The following EIF4E variants were observed in gnomAD, a reference collection of about 807,000 sequenced individuals.
EIF4E encodes eIF-4F 25 kDa subunit.
For synonymous variants in EIF4E, 71 were observed against 88.5 expected (o/e 0.80, Z 1.11); for missense variants, 113 against 265.6 (o/e 0.43, Z 3.99).
intron 1 of EIF4E, among the ~76,000 whole-genome samples, chr4:98,928,235 C>A (rs1399770660): frequency 1.3e-5 from 2 of 151,880 alleles, no homozygotes; most frequent in Non-Finnish European, 2.9e-5. Flanking sequence ...GCAGGTCCGG[C>A]CGGCAAGCCG....
intron 1 of EIF4E, among the ~76,000 whole-genome samples, chr4:98,906,901 G>T (rs1318525609): frequency 6.6e-6 from 1 of 152,022 alleles, no homozygotes; most frequent in African/African-American, 2.4e-5. Context: ...TCTTAAAATG[G>T]GCATTGTGAC....
intron 1 of EIF4E, among the ~76,000 whole-genome samples, chr4:98,914,387 A>G (rs1725284350): frequency 7.0e-6 from 1 of 142,384 alleles, no homozygotes; most frequent in East Asian, 2.1e-4. Flanking sequence ...AAAAAAAAAA[A>G]AGCACTTTTT....
In EIF4E at chr4:98,896,169, C is replaced by T. The variant is rs554188424; in HGVS notation, c.126-4837G>A. ...CGAGATCGCACCACTGCACTCCAGC[C>T]TGGTGACAGAGCGAGGCTCCATCTC... On this transcript the variant is annotated intron_variant, in intron 2 of 6. Transcript: ENST00000450253. Among the ~76,000 whole-genome samples, 111 of 138,870 alleles carry T rather than the reference C, an allele frequency of 8.0e-4. 2 individuals carry two copies. The highest frequency in any genetic ancestry group is 3.7e-3 in the African/African-American group (107 of 29,132). The allele number at this position is 138,870 out of a possible 152,430, so 91.1% of individuals were successfully genotyped here.
chr4:98,925,072 A>G (rs959146593), intron 1 of EIF4E, among the ~76,000 whole-genome samples: 3 of 152,174 alleles, frequency 2.0e-5, no homozygotes, highest in Non-Finnish European at 1.5e-5. Flanking sequence ...AGTACAACAA[A>G]TATTTGTCAA....
chr4:98,912,981 C>T (rs769388353), intron 1 of EIF4E, among the ~76,000 whole-genome samples: 8 of 151,996 alleles, frequency 5.3e-5, no homozygotes, highest in Non-Finnish European at 1.0e-4. Flanking sequence ...CCGAGGCAGG[C>T]GGATCACCTG....
At chr4:98,898,573 G>GAA (rs756555846) in intron 2 of EIF4E, among the ~76,000 whole-genome samples, 4 of 131,360 alleles carry the variant, frequency 3.0e-5, no homozygotes, top group African/African-American at 5.6e-5. Context: ...GCGAGACTCC[G>GAA]AAAAAAAAAA....
At chr4:98,924,284 G>C (rs769289021) in intron 1 of EIF4E, among the ~76,000 whole-genome samples, 16 of 152,070 alleles carry the variant, frequency 1.1e-4, no homozygotes, top group Non-Finnish European at 1.5e-4. Context: ...TCACCATGTT[G>C]ATCAGGCTGG....
chr4:98,889,187 T>G lies in EIF4E; in HGVS notation c.222-1235A>C, dbSNP rs1197601243. On this transcript the variant is annotated intron_variant, in intron 3 of 6. Coordinates refer to ENST00000450253, the MANE Select transcript of EIF4E (RefSeq NM_001968.5). ...AAAAAAAAAAGATTTAAGAAAGAAG[T>G]TGGCATCTTTAAATCAAATTCCATA... is the stretch of plus-strand genomic sequence containing the variant. Among the ~76,000 whole-genome samples, 3 of 151,148 alleles carry G rather than the reference T, an allele frequency of 2.0e-5. No homozygotes were observed. The East Asian group carries it at 5.8e-4, about 29-fold the overall frequency.
In EIF4E at chr4:98,906,883, T is replaced by C. The variant is rs186438096; in HGVS notation, c.19-4901A>G. Among the ~76,000 whole-genome samples, 246 of 152,314 alleles carry C rather than the reference T, an allele frequency of 1.6e-3. 1 individual carries two copies. The highest frequency in any genetic ancestry group is 3.1e-3 in the Admixed American group (48 of 15,306). ...GAGCAAGTAACTTCCGTGGCCTCAG[T>C]TTCCTCATCTTAAAATGGGCATTGT... is the stretch of plus-strand genomic sequence containing the variant. On this transcript the variant is annotated intron_variant, in intron 1 of 6. Transcript: ENST00000450253.
chr4:98,903,869 C>T (rs1724751815), intron 1 of EIF4E, among the ~76,000 whole-genome samples: 1 of 152,088 alleles, frequency 6.6e-6, no homozygotes, highest in Admixed American at 6.5e-5. Flanking sequence ...TTTAAGTGTT[C>T]AAACAGATAA....
chr4:98,929,018 G>A (rs1486034528), intron 1 of EIF4E, 77 bp downstream of exon 1: 2 of 1,563,686 alleles, frequency 1.3e-6, no homozygotes, highest in South Asian at 1.2e-5. Context: ...CGGGAACGCC[G>A]TCCCGCGGAG....
At chr4:98,902,955 C>T (rs1724713784) in intron 1 of EIF4E, among the ~76,000 whole-genome samples, 1 of 152,160 alleles carries the variant, frequency 6.6e-6, no homozygotes, top group Non-Finnish European at 1.5e-5. Context: ...CCTATCGTAA[C>T]CTAAAAGTTC....
In EIF4E at chr4:98,926,605, T is replaced by C. The variant is rs1725878562; in HGVS notation, c.18+2490A>G. 1.3e-5 allele frequency: 2 copies of C among 152,204 alleles called. 1 individual carries two copies. Among genetic ancestry groups the C allele is most frequent in the South Asian group, 4.1e-4 (2 of 4,834 alleles). 9.4% of individuals were successfully genotyped at this position (152,204 alleles called of 1,614,324 possible). A position where few individuals can be genotyped will look rare whatever the true frequency, so the allele number is the denominator to read the frequency against. ...CTTCGATACTATTTTACATATATTCTCAAAATACTTTAGTTTCCAGCTTCA... is the reference window on the plus strand; with the variant it reads ...CTTCGATACTATTTTACATATATTCCCAAAATACTTTAGTTTCCAGCTTCA... On this transcript the variant is annotated intron_variant, in intron 1 of 6. Transcript: ENST00000450253.
At chr4:98,889,792 G>A (rs1162506222) in intron 3 of EIF4E, among the ~76,000 whole-genome samples, 1 of 152,136 alleles carries the variant, frequency 6.6e-6, no homozygotes, top group African/African-American at 2.4e-5. Context: ...TGGGGAAGGT[G>A]GCTCAAGGCT....
At chr4:98,927,932 T>C (rs1481074475) in intron 1 of EIF4E, among the ~76,000 whole-genome samples, 1 of 152,100 alleles carries the variant, frequency 6.6e-6, no homozygotes, top group Admixed American at 6.6e-5. Context: ...ATGAAAAATA[T>C]ACCCTCTGCT....
intron 1 of EIF4E, among the ~76,000 whole-genome samples, chr4:98,917,661 A>G (rs537383380): frequency 3.9e-5 from 6 of 152,234 alleles, no homozygotes; most frequent in Non-Finnish European, 5.9e-5. Context: ...GCTTGACTCA[A>G]AAGTCAGAAA....
intron 1 of EIF4E, among the ~76,000 whole-genome samples, chr4:98,924,084 T>G (rs888148123): frequency 1.5e-4 from 22 of 151,496 alleles, no homozygotes; most frequent in Non-Finnish European, 3.1e-4. Flanking sequence ...TTTGTTTATT[T>G]TTTTTTTTTT....
chr4:98,883,207 G>A (rs534713511), intron 6 of EIF4E, among the ~76,000 whole-genome samples: 1 of 152,060 alleles, frequency 6.6e-6, no homozygotes, highest in Non-Finnish European at 1.5e-5. Flanking sequence ...AAGAGGTGGA[G>A]GTTGCAGTGA....
rs1723995518 is a variant in EIF4E, at chr4:98,888,026, T to A, written c.222-74A>T. The A allele has an allele frequency of 3.3e-6, 4 of 1,210,412 alleles. No homozygotes were observed. The East Asian group carries it at 9.9e-5, about 30-fold the overall frequency. The allele number at this position is 1,210,412 out of a possible 1,614,324, so 75.0% of individuals were successfully genotyped here. Reference sequence around the variant, plus strand: ...GTTTAGGTGCTTACATATATATACATTTAGAACATATGATGAAAATAAACA... The same window carrying A: ...GTTTAGGTGCTTACATATATATACAATTAGAACATATGATGAAAATAAACA... On this transcript the variant is annotated intron_variant, in intron 3 of 6. Coordinates refer to ENST00000450253, the MANE Select transcript of EIF4E (RefSeq NM_001968.5).
Sources: gnomAD v4.1 joint callset for allele counts (sites outside exome capture counted in the v4.1 genomes callset) on GRCh38, gnomAD v4.1.1 for gene constraint, MANE v1.5 for transcripts, NCBI Gene and HGNC (gene_info 2026-07-23, HGNC 2026-07-21) for gene names.